LSM5: variants seen among roughly 807,000 people sequenced by gnomAD.
The protein encoded by LSM5 is U6 snRNA-associated Sm-like protein LSm5.
In LSM5, 8 loss-of-function variants were observed where a neutral mutation model predicts 13.8. That is an observed-to-expected ratio of 0.58 (90% CI 0.34 to 1.04). The LOEUF is 1.04. Among genes scored for constraint, LSM5 ranks in the 50% least tolerant of loss-of-function variants. LSM5 has a pLI of 0.03. For missense variants in LSM5, 80 were observed against 108.1 expected, an observed-to-expected ratio of 0.74 and a Z score of 1.15; for synonymous variants, 35 against 37.0, an observed-to-expected ratio of 0.95 and a Z score of 0.20.
Position 32,489,295 on chromosome 7 carries a change from A to G in LSM5, c.96T>C (p.Ser32=). The G allele has an allele frequency of 6.2e-7, 1 of 1,608,866 alleles. No individual in the cohort carries two copies. The highest frequency in any genetic ancestry group is 8.5e-7 in the Non-Finnish European group (1 of 1,176,850). Residue 32 remains serine (S), a synonymous_variant, in exon 2 of 5, where the codon AGT becomes AGC. Coordinates refer to ENST00000450169, the MANE Select transcript of LSM5 (RefSeq NM_012322.3). ...GAAGAGTACCAACAATTTCCTTATC[A>G]CTCTTCATCACGATGTGAATTCTTG... ...IGSRIHIVMK[S]DKEIVGTLLG... is the part of the protein sequence containing the mutation.
At chr7:32,493,648 G>A (rs979053061), upstream of LSM5, among the ~76,000 whole-genome samples, 4 of 146,602 alleles carry the variant, frequency 2.7e-5, no homozygotes, top group Admixed American at 6.8e-5. Context: ...GGGTTAGGGT[G>A]ATTCTCTTGC....
intron 3 of LSM5, 41 bp downstream of exon 3, chr7:32,488,584 A>C: frequency 7.2e-7 from 1 of 1,395,140 alleles, no homozygotes; most frequent in African/African-American, 1.4e-5. Context: ...AACTGTCTTT[A>C]ATTAAGAAGA....
intron 4 of LSM5, 66 bp downstream of exon 4, chr7:32,487,619 G>C: frequency 1.1e-6 from 1 of 870,722 alleles, no homozygotes; most frequent in Non-Finnish European, 2.0e-6. Flanking sequence ...ATTAAGGTTA[G>C]TTCTGTAATC....
chr7:32,487,079 T>C lies in LSM5; in HGVS notation c.*182A>G, dbSNP rs1471579595. On this transcript the variant is annotated 3_prime_UTR_variant, in exon 5 of 5. Coordinates refer to ENST00000450169, the MANE Select transcript of LSM5 (RefSeq NM_012322.3). The stretch of plus-strand genomic sequence containing the variant: ...TTTTCATCTGCAAAGAAGAAGCTCT[T>C]TTCTTCTTTTTCCAGGATAATCATG... 4.8e-6 allele frequency: 3 copies of C among 631,364 alleles called. No homozygotes were observed. The highest frequency in any genetic ancestry group is 8.3e-6 in the Non-Finnish European group (3 of 359,958). 39.1% of individuals were successfully genotyped at this position (631,364 alleles called of 1,614,324 possible).
rs747148492 is a variant in LSM5, at chr7:32,489,272, A to C, written c.119T>G (p.Leu40Arg). The part of the protein sequence containing the change: ...MKSDKEIVGT[L>R]LGFDDFVNMV... ...ACTGACAAAGTCATCAAATCCTAGA[A>C]GAGTACCAACAATTTCCTTATCACT... Residue 40 changes from leucine to arginine, a missense_variant, in exon 2 of 5, where the codon CTT (leucine) becomes CGT (arginine). Physicochemically the swap from Leu to Arg is moderately radical, Grantham distance 102 (BLOSUM62 -2). Coordinates refer to ENST00000450169, the MANE Select transcript of LSM5 (RefSeq NM_012322.3). 1.2e-5 allele frequency: 20 copies of C among 1,602,720 alleles called. No individual in the cohort carries two copies. The highest frequency in any genetic ancestry group is 1.7e-5 in the Non-Finnish European group (20 of 1,171,110).
At position 32,486,323 on chromosome 7, in the gene LSM5, G is replaced by T. The variant is rs142272461; in HGVS notation, c.*938C>A. The T allele has an allele frequency of 6.7e-4, 102 of 152,312 alleles. No individual in the cohort carries two copies. The highest frequency in any genetic ancestry group is 2.3e-3 in the African/African-American group (95 of 41,574). The allele number at this position is 152,312 out of a possible 1,614,324, so 9.4% of individuals were successfully genotyped here. A position where few individuals can be genotyped will look rare whatever the true frequency, so the allele number is the denominator to read the frequency against. The stretch of plus-strand genomic sequence containing the variant: ...TTAAATTCAAAAAATGACTTAAGTG[G>T]AGGGTAAAAACAGTATAATCAGGAT... On this transcript the variant is annotated 3_prime_UTR_variant, in exon 5 of 5. Transcript: ENST00000450169.
intron 2 of LSM5, 120 bp downstream of exon 2, chr7:32,489,129 A>T: frequency 1.6e-6 from 1 of 606,730 alleles, no homozygotes; most frequent in East Asian, 2.9e-5. Flanking sequence ...AAACATTATC[A>T]TAAGTTCCCT....
intron 1 of LSM5, 120 bp downstream of exon 1, chr7:32,490,200 A>G (rs772291760): frequency 1.3e-6 from 2 of 1,585,832 alleles, no homozygotes; most frequent in South Asian, 2.3e-5. Context: ...CTCAGAGTCG[A>G]ACCGCATTTG....
intron 3 of LSM5, chr7:32,488,063 A>T (rs1470931591): frequency 1.8e-5 from 6 of 331,814 alleles, no homozygotes; most frequent in Non-Finnish European, 3.4e-5. Context: ...TTTTTTTTTA[A>T]GAGACAGGGT....
chr7:32,490,423 T>C, upstream of LSM5: 3 of 1,039,846 alleles, frequency 2.9e-6, no homozygotes, highest in Admixed American at 1.7e-5. Flanking sequence ...AAAAGCGCGC[T>C]TCCGCTTTTT....
At chr7:32,488,047 G>GTT in intron 3 of LSM5, 1 of 211,658 alleles carries the variant, frequency 4.7e-6, no homozygotes, top group African/African-American at 7.4e-5. Context: ...ATGTTTTTTG[G>GTT]GTTTTTTTTT....
At chr7:32,494,900 T>G (rs1786703048), upstream of LSM5, 2 of 152,128 alleles carry the variant, frequency 1.3e-5, no homozygotes, top group Admixed American at 1.3e-4. Flanking sequence ...ACACATAATA[T>G]TTAAACGAAG....
intron 3 of LSM5, chr7:32,487,990 C>T: frequency 4.8e-6 from 2 of 414,354 alleles, no homozygotes; most frequent in South Asian, 6.1e-5. Context: ...GACAGAGCTT[C>T]ATAAAAAGAA....
intron 3 of LSM5, 121 bp downstream of exon 3, chr7:32,488,504 C>T (rs1331272580): frequency 4.2e-6 from 3 of 706,170 alleles, no homozygotes; most frequent in Non-Finnish European, 7.5e-6. Context: ...ACAGATAAAA[C>T]GTCTATCTTT....
intron 1 of LSM5, chr7:32,490,091 T>C: frequency 2.7e-6 from 4 of 1,508,328 alleles, no homozygotes; most frequent in South Asian, 2.4e-5. Flanking sequence ...ATGTGGACCT[T>C]TTCCAGTGAA....
Sources: allele counts gnomAD v4.1 joint callset (sites outside exome capture counted in the v4.1 genomes callset), GRCh38; gene constraint gnomAD v4.1.1; transcripts MANE v1.5; gene names NCBI Gene and HGNC (gene_info 2026-07-23, HGNC 2026-07-21).